Variants in SIPA1L2 observed in about 807,000 individuals in gnomAD.
SIPA1L2 encodes the protein signal induced proliferation associated 1 like 2.
Under a neutral mutation model 163.9 loss-of-function variants are expected in SIPA1L2, and 56 were observed. The ratio of observed to expected loss-of-function variants is 0.34; its 90% CI spans 0.28 to 0.43. The LOEUF (loss-of-function observed/expected upper bound fraction) is 0.43, where lower values mean the gene tolerates loss of function less well. SIPA1L2 is among the 20% of genes least tolerant of loss of function. The pLI is 1.00. For synonymous variants in SIPA1L2, 877 were observed against 865.7 expected, an observed-to-expected ratio of 1.01 and a Z score of -0.23; for missense variants, 1,974 against 2,193.5, an observed-to-expected ratio of 0.90 and a Z score of 2.00.
intron 10 of SIPA1L2, among the ~76,000 whole-genome samples, chr1:232,448,606 T>C (rs1659641475): frequency 6.6e-6 from 1 of 151,682 alleles, no homozygotes; most frequent in Non-Finnish European, 1.5e-5. Flanking sequence ...AAGTTGGAGG[T>C]GAATGGAAGA....
At chr1:232,424,120 T>C (rs1661740291) in intron 18 of SIPA1L2, among the ~76,000 whole-genome samples, 1 of 152,026 alleles carries the variant, frequency 6.6e-6, no homozygotes, top group Non-Finnish European at 1.5e-5. Context: ...CGAACCCTAA[T>C]GTAAACCAGG....
At chr1:232,459,213 G>A (rs1320252887) in intron 10 of SIPA1L2, among the ~76,000 whole-genome samples, 1 of 152,122 alleles carries the variant, frequency 6.6e-6, no homozygotes, top group African/African-American at 2.4e-5. Context: ...AGCAACACGT[G>A]GCCAATTAAA....
At chr1:232,493,422 A>T in intron 4 of SIPA1L2, 105 bp downstream of exon 4, 1 of 1,380,392 alleles carries the variant, frequency 7.2e-7, no homozygotes, top group Non-Finnish European at 9.9e-7. Context: ...AATCATTAAC[A>T]TTAAAAAAAA....
chr1:232,434,764 G>T (rs1405975532), intron 15 of SIPA1L2, among the ~76,000 whole-genome samples: 1 of 152,200 alleles, frequency 6.6e-6, no homozygotes, highest in African/African-American at 2.4e-5. Context: ...GGAAAGGATA[G>T]TAGCATAAAC....
intron 9 of SIPA1L2, chr1:232,462,057 T>C: frequency 1.4e-6 from 1 of 734,066 alleles, no homozygotes; most frequent in South Asian, 1.6e-5. Flanking sequence ...AATGGAAGCC[T>C]CAGTGTATGT....
chr1:232,556,729 A>C (rs1573077771), intron 2 of SIPA1L2, among the ~76,000 whole-genome samples: 1 of 152,158 alleles, frequency 6.6e-6, no homozygotes, highest in Middle Eastern at 3.4e-3. Context: ...ACAGTTAAAA[A>C]AAAAAAAAAT....
intron 1 of SIPA1L2, among the ~76,000 whole-genome samples, chr1:232,629,301 G>C (rs1230295234): frequency 6.6e-6 from 1 of 152,252 alleles, no homozygotes; most frequent in Non-Finnish European, 1.5e-5. Context: ...GACACGGGAA[G>C]ACCCGGAGAG....
intron 2 of SIPA1L2, among the ~76,000 whole-genome samples, chr1:232,526,011 T>G (rs568549050): frequency 2.0e-5 from 3 of 152,244 alleles, no homozygotes; most frequent in Admixed American, 1.3e-4. Flanking sequence ...GGAAGGCAAA[T>G]CAGGAAGTGG....
Position 232,465,195 on chromosome 1 carries a change from A to C in SIPA1L2, c.2465T>G (p.Val822Gly), listed in dbSNP as rs1314683761. 1 of 1,614,156 alleles carries C rather than the reference A, an allele frequency of 6.2e-7. No individual in the cohort carries two copies. The highest frequency in any genetic ancestry group is 1.1e-5 in the South Asian group (1 of 91,078). Residue 822 changes from valine (V) to glycine (G), a missense_variant, in exon 9 of 23, where the codon GTG (valine) becomes GGG (glycine). Around this residue, in one of 3 missense-constraint regions of SIPA1L2, gnomAD observed 288 missense variants for 418.9 expected, o/e 0.69. Transcript: ENST00000674635. This position sits in a 1 kb window ranked among gnomAD's most constrained non-coding sequence, Gnocchi z 4.1. ...GAAGCTGAACTTCACAGAGGTATCC[A>C]CGGTGGCGGTTGTGACAAAGTTCTC... ...LAENFVTTAT[V>G]DTSVKFSFIT...
intron 1 of SIPA1L2, among the ~76,000 whole-genome samples, chr1:232,604,453 C>G (rs1661782356): frequency 6.6e-6 from 1 of 152,204 alleles, no homozygotes; most frequent in South Asian, 2.1e-4. Context: ...ATGTGCCAGG[C>G]ACTTGACAAA....
intron 10 of SIPA1L2, among the ~76,000 whole-genome samples, chr1:232,453,768 A>G (rs1455940301): frequency 1.3e-5 from 2 of 150,080 alleles, no homozygotes; most frequent in South Asian, 2.1e-4. Context: ...TTTTTTGAAA[A>G]CCATCCAAGA....
intron 2 of SIPA1L2, among the ~76,000 whole-genome samples, chr1:232,544,415 C>A (rs533076614): frequency 6.6e-6 from 1 of 152,208 alleles, no homozygotes; most frequent in African/African-American, 2.4e-5. Flanking sequence ...AAAAAATTAG[C>A]CAGGCGTGGT....
At chr1:232,452,833 C>T (rs570411896) in intron 10 of SIPA1L2, among the ~76,000 whole-genome samples, 1 of 152,316 alleles carries the variant, frequency 6.6e-6, no homozygotes, top group African/African-American at 2.4e-5. Flanking sequence ...CTCTTAGACC[C>T]TCCTCTTGAA....
intron 10 of SIPA1L2, among the ~76,000 whole-genome samples, chr1:232,448,481 A>G (rs1243788889): frequency 6.6e-6 from 1 of 152,242 alleles, no homozygotes; most frequent in Non-Finnish European, 1.5e-5. Context: ...TGGTATAGTA[A>G]AAGTTTCAGC....
chr1:232,417,466 G>T (rs1661327364), intron 18 of SIPA1L2, among the ~76,000 whole-genome samples: 1 of 152,084 alleles, frequency 6.6e-6, no homozygotes, highest in Non-Finnish European at 1.5e-5. Flanking sequence ...TTCTGTGTGT[G>T]ATGTGCTTGT....
chr1:232,583,770 T>C (rs1660506251), intron 1 of SIPA1L2, among the ~76,000 whole-genome samples: 1 of 152,286 alleles, frequency 6.6e-6, no homozygotes, highest in East Asian at 1.9e-4. Context: ...TGAAAGGTAA[T>C]TATGTCTCAA....
At chr1:232,529,740 T>C (rs1667883288) in intron 2 of SIPA1L2, among the ~76,000 whole-genome samples, 2 of 152,248 alleles carry the variant, frequency 1.3e-5, no homozygotes, top group Admixed American at 1.3e-4. Context: ...GACATCACAA[T>C]TTCTTTCTCT....
intron 5 of SIPA1L2, among the ~76,000 whole-genome samples, chr1:232,484,618 CCA>C (rs1665554113): frequency 6.6e-6 from 1 of 152,132 alleles, no homozygotes; most frequent in African/African-American, 2.4e-5. Context: ...ATACAGTGTA[CCA>C]CAAAGAATCC....
At chr1:232,477,890 C>T (rs1458855419) in intron 7 of SIPA1L2, among the ~76,000 whole-genome samples, 1 of 152,140 alleles carries the variant, frequency 6.6e-6, no homozygotes, top group Non-Finnish European at 1.5e-5. Flanking sequence ...AATCAGGGAA[C>T]TGGAAAGGCT....
Sources: gnomAD v4.1 joint callset for allele counts (sites outside exome capture counted in the v4.1 genomes callset) on GRCh38, gnomAD v4.1.1 for gene constraint, gnomAD v4.1.1 regional missense constraint, Gnocchi (gnomAD v3.1) non-coding constraint, MANE v1.5 for transcripts, NCBI Gene and HGNC (gene_info 2026-07-23, HGNC 2026-07-21) for gene names.